ELF2: variants seen among roughly 807,000 people sequenced by gnomAD.
ELF2 encodes ETS-related transcription factor Elf-2.
ELF2 carries 11 observed loss-of-function variants against 54.8 expected under a neutral mutation model. The ratio of observed to expected loss-of-function variants is 0.20; its 90% CI spans 0.13 to 0.33. ELF2 has a LOEUF of 0.33. Ranked by LOEUF, ELF2 falls within the 10% of genes least tolerant of loss-of-function variation. The pLI is 1.00. For synonymous variants in ELF2, 203 were observed against 245.1 expected (o/e 0.83, Z 1.61); for missense variants, 513 against 703.0 (o/e 0.73, Z 3.06).
intron 4 of ELF2, among the ~76,000 whole-genome samples, chr4:139,091,276 T>C (rs1412189557): frequency 6.6e-6 from 1 of 151,994 alleles, no homozygotes; most frequent in Non-Finnish European, 1.5e-5. Context: ...AAGGAAATCA[T>C]AAAGAAACTA....
At chr4:139,159,065 G>A (rs980243941) in intron 1 of ELF2, among the ~76,000 whole-genome samples, 3 of 152,156 alleles carry the variant, frequency 2.0e-5, no homozygotes, top group African/African-American at 7.2e-5. Flanking sequence ...TCTGACAGAA[G>A]GGAAGAAATG....
chr4:139,139,743 G>A (rs948359277), intron 1 of ELF2, among the ~76,000 whole-genome samples: 7 of 151,700 alleles, frequency 4.6e-5, no homozygotes, highest in Middle Eastern at 3.4e-3. Context: ...CAGAATCAAC[G>A]TATGAAGCCT....
At chr4:139,160,673 A>G (rs1320691624) in intron 1 of ELF2, among the ~76,000 whole-genome samples, 1 of 152,198 alleles carries the variant, frequency 6.6e-6, no homozygotes, top group African/African-American at 2.4e-5. Context: ...AAAATATTTT[A>G]TCATATTGGC....
At chr4:139,140,072 G>A (rs367897355) in intron 1 of ELF2, among the ~76,000 whole-genome samples, 1 of 152,106 alleles carries the variant, frequency 6.6e-6, no homozygotes, top group South Asian at 2.1e-4. Flanking sequence ...TGGGACTATA[G>A]GCATATGCCA....
chr4:139,098,468 AC>A (rs1312565319), intron 4 of ELF2, among the ~76,000 whole-genome samples: 3 of 148,676 alleles, frequency 2.0e-5, no homozygotes, highest in Non-Finnish European at 4.5e-5. Flanking sequence ...TATTTTTAAA[AC>A]TTTTTTTTTT....
chr4:139,117,107 A>G (rs182969434), intron 4 of ELF2, among the ~76,000 whole-genome samples: 8 of 152,308 alleles, frequency 5.3e-5, no homozygotes, highest in Admixed American at 4.6e-4. Flanking sequence ...TAATAAGACT[A>G]AATGTTAATG....
upstream of ELF2, among the ~76,000 whole-genome samples, chr4:139,177,899 T>C (rs968370205): frequency 2.2e-4 from 33 of 152,060 alleles, no homozygotes; most frequent in Admixed American, 2.0e-4. Flanking sequence ...CTCCTCAGCC[T>C]TGGCTTAGTG....
chr4:139,106,654 C>T (rs1010872425), intron 4 of ELF2, among the ~76,000 whole-genome samples: 1 of 150,336 alleles, frequency 6.7e-6, no homozygotes, highest in Non-Finnish European at 1.5e-5. Flanking sequence ...TTATATCTGT[C>T]ACTAGATCTC....
At chr4:139,082,649 T>C (rs1414386829) in intron 4 of ELF2, among the ~76,000 whole-genome samples, 1 of 152,200 alleles carries the variant, frequency 6.6e-6, no homozygotes, top group Non-Finnish European at 1.5e-5. Flanking sequence ...CACAGAGTTT[T>C]GCCAAGCAAA....
chr4:139,062,807 G>A (rs1314463683), intron 7 of ELF2, among the ~76,000 whole-genome samples: 1 of 152,170 alleles, frequency 6.6e-6, no homozygotes, highest in Non-Finnish European at 1.5e-5. Context: ...ATCAGACCTA[G>A]GGTCTTTTTG....
chr4:139,120,696 C>T (rs532326418), intron 4 of ELF2, among the ~76,000 whole-genome samples: 1 of 152,228 alleles, frequency 6.6e-6, no homozygotes, highest in South Asian at 2.1e-4. Context: ...CCCACCTCTG[C>T]CTCTGCCTCC....
intron 5 of ELF2, 102 bp downstream of exon 5, chr4:139,073,352 A>T: frequency 3.0e-6 from 2 of 659,834 alleles, no homozygotes; most frequent in Non-Finnish European, 4.7e-6. Flanking sequence ...TGTACCTTTG[A>T]GAATTCCCAA....
At chr4:139,105,085 A>G (rs1458034461) in intron 4 of ELF2, among the ~76,000 whole-genome samples, 1 of 152,244 alleles carries the variant, frequency 6.6e-6, no homozygotes, top group Non-Finnish European at 1.5e-5. Flanking sequence ...TTACCAATTA[A>G]CTATCTCAAT....
At chr4:139,141,677 C>T (rs1314101626) in intron 1 of ELF2, among the ~76,000 whole-genome samples, 1 of 152,130 alleles carries the variant, frequency 6.6e-6, no homozygotes, top group African/African-American at 2.4e-5. Context: ...TGGAGGAAGG[C>T]CATATGAGGA....
chr4:139,135,343 A>G (rs1160147088), intron 3 of ELF2, among the ~76,000 whole-genome samples: 1 of 151,048 alleles, frequency 6.6e-6, no homozygotes, highest in Non-Finnish European at 1.5e-5. Flanking sequence ...TTCAAATACC[A>G]CCATTCTCAA....
At chr4:139,106,643 A>T (rs1734437465) in intron 4 of ELF2, among the ~76,000 whole-genome samples, 1 of 151,912 alleles carries the variant, frequency 6.6e-6, no homozygotes, top group Non-Finnish European at 1.5e-5. Flanking sequence ...ATAGCAGTAA[A>T]TTATATCTGT....
chr4:139,173,544 G>A (rs909892343), intron 1 of ELF2, among the ~76,000 whole-genome samples: 1 of 150,868 alleles, frequency 6.6e-6, no homozygotes. Flanking sequence ...GGATCATGAG[G>A]TCAGGAGATC....
chr4:139,141,689 C>A (rs1738715299), intron 1 of ELF2, among the ~76,000 whole-genome samples: 1 of 152,178 alleles, frequency 6.6e-6, no homozygotes, highest in Admixed American at 6.5e-5. Flanking sequence ...ATATGAGGAC[C>A]TTTAAAGCAC....
intron 1 of ELF2, among the ~76,000 whole-genome samples, chr4:139,171,307 A>G (rs566024297): frequency 7.4e-4 from 113 of 152,160 alleles, no homozygotes; most frequent in Middle Eastern, 3.4e-3. Context: ...AGGCTGAGGT[A>G]GGGGGACTGC....
Sources: allele counts gnomAD v4.1 joint callset (sites outside exome capture counted in the v4.1 genomes callset), GRCh38; gene constraint gnomAD v4.1.1; transcripts MANE v1.5; gene names NCBI Gene and HGNC (gene_info 2026-07-23, HGNC 2026-07-21).